Variants in LIX1L observed in about 807,000 individuals in gnomAD.
LIX1L encodes the protein LIX1-like protein.
LIX1L carries 20 observed loss-of-function variants against 34.0 expected under a neutral mutation model. The ratio of observed to expected loss-of-function variants is 0.59; its 90% CI spans 0.41 to 0.85. LIX1L has a LOEUF of 0.85. Among genes scored for constraint, LIX1L ranks in the 40% least tolerant of loss-of-function variants. LIX1L has a pLI of 0.00. For missense variants in LIX1L, 397 were observed against 447.0 expected, an observed-to-expected ratio of 0.89 and a Z score of 1.01; for synonymous variants, 170 against 187.4, an observed-to-expected ratio of 0.91 and a Z score of 0.76.
At chr1:145,951,578 T>A (rs1043723008) in intron 1 of LIX1L, among the ~76,000 whole-genome samples, 6 of 152,190 alleles carry the variant, frequency 3.9e-5, no homozygotes, top group African/African-American at 1.4e-4. Flanking sequence ...AAAATTAAAA[T>A]TTAAAAAAAG....
At position 145,936,459 on chromosome 1, in the gene LIX1L, C is replaced by T; in HGVS notation, c.865G>A (p.Gly289Arg). The change falls in exon 6 of 6, where the codon GGG becomes AGG. Residue 289 changes from glycine to arginine, a missense_variant. Gly to Arg is a moderately radical substitution (Grantham distance 125, BLOSUM62 -2). Transcript: ENST00000604000. ...DWVSREQSVP[G>R]ALSRELASTE... ...GAGGCCAGCTCTCTAGACAGTGCCC[C>T]CGGCACACTCTGCTCCCGGCTCACC... 1 of 1,614,172 alleles carries T rather than the reference C, an allele frequency of 6.2e-7. No homozygotes were observed. Among genetic ancestry groups the T allele is most frequent in the Non-Finnish European group, 8.5e-7 (1 of 1,180,042 alleles).
Position 145,957,696 on chromosome 1 carries a change from G to C in LIX1L, c.232C>G (p.Arg78Gly). 1 of 1,524,552 alleles carries C rather than the reference G, an allele frequency of 6.6e-7. No individual in the cohort carries two copies. Among genetic ancestry groups the C allele is most frequent in the Non-Finnish European group, 8.8e-7 (1 of 1,141,940 alleles). The allele number at this position is 1,524,552 out of a possible 1,614,324, so 94.4% of individuals were successfully genotyped here. A position where few individuals can be genotyped will look rare whatever the true frequency, so the allele number is the denominator to read the frequency against. ...CTCACCACGGCCTCCACGGCCTCTC[G>C]CAGCACTGCCGGGCTGCCGGCGGCG... The part of the protein sequence containing the change: ...PGAAGSPAVL[R>G]EAVEAVVRSF... Residue 78 changes from arginine to glycine, a missense_variant, in exon 1 of 6, where the codon CGA (arginine) becomes GGA (glycine). Transcript: ENST00000604000.
chr1:145,942,028 C>A (rs1172003677), intron 3 of LIX1L: 1 of 152,146 alleles, frequency 6.6e-6, no homozygotes, highest in African/African-American at 2.4e-5. Flanking sequence ...GGACTACAGA[C>A]GCCCCCCACC....
Position 145,936,259 on chromosome 1 carries a change from G to C in LIX1L, c.*51C>G, listed in dbSNP as rs1559236960. On this transcript the variant is annotated 3_prime_UTR_variant, in exon 6 of 6. Coordinates refer to ENST00000604000, the MANE Select transcript of LIX1L (RefSeq NM_153713.3). ...AAAAATCATCCTAAATCTTAGAAAG[G>C]AGACATAAAAAAAGGCTGTGGAAAG... is the stretch of plus-strand genomic sequence containing the variant. 6.3e-7 allele frequency: 1 copy of C among 1,584,350 alleles called. No homozygotes were observed. The highest frequency in any genetic ancestry group is 8.6e-7 in the Non-Finnish European group (1 of 1,164,038).
chr1:145,950,188 G>T (rs1339552633), intron 1 of LIX1L: 1 of 152,002 alleles, frequency 6.6e-6, no homozygotes, highest in East Asian at 1.9e-4. Context: ...TATTTCCTTA[G>T]TTCAGATCTG....
rs782632887 is a variant in LIX1L, at chr1:145,947,653, G to A, written c.422C>T (p.Thr141Ile). The change falls in exon 2 of 6, where the codon ACC becomes ATC. Residue 141 changes from threonine to isoleucine, a missense_variant. Around this residue, in one of 3 missense-constraint regions of LIX1L, gnomAD observed 207 missense variants for 205.2 expected, o/e 1.01. Coordinates refer to ENST00000604000, the MANE Select transcript of LIX1L (RefSeq NM_153713.3). ...CCCAAAGCAGCTTCCCCCAGGCAGGGTGACATAGCAGACATAAGGAGGGCT... is the reference window on the plus strand; with the variant it reads ...CCCAAAGCAGCTTCCCCCAGGCAGGATGACATAGCAGACATAAGGAGGGCT... ...SNSPPYVCYV[T>I]LPGGSCFGSF... is the part of the protein sequence containing the mutation. The A allele has an allele frequency of 3.5e-5, 56 of 1,613,988 alleles. No homozygotes were observed. Among genetic ancestry groups the A allele is most frequent in the Middle Eastern group, 1.6e-4 (1 of 6,082 alleles).
rs59900662 is a variant in LIX1L, at chr1:145,934,573, C to CAAA, written c.*1734_*1736dup. ...TGGGCGACAGAGCGAGACTCCGTCTCAAAAAAAAAAAAAACACACAAATAG... is the reference window on the plus strand; with the variant it reads ...TGGGCGACAGAGCGAGACTCCGTCTCAAAAAAAAAAAAAAAAACACACAAATAG... On this transcript the variant is annotated 3_prime_UTR_variant, in exon 6 of 6. Transcript: ENST00000604000. 3 of 102,782 alleles carry CAAA rather than the reference C, an allele frequency of 2.9e-5. No individual in the cohort carries two copies. The highest frequency in any genetic ancestry group is 9.7e-5 in the Admixed American group (1 of 10,270). The allele number at this position is 102,782 out of a possible 1,614,324, so 6.4% of individuals were successfully genotyped here.
chr1:145,947,777 C>T lies in LIX1L; in HGVS notation c.298G>A (p.Val100Met), dbSNP rs782017952. ...CAGAATTCCTGAAGTGCCTCCACCA[C>T]ATTCACTACAAAAGAGAAGTACTTA... ...KHTQGYGRVNVVEALQEFWQM... is the reference protein window; with the variant it reads ...KHTQGYGRVNMVEALQEFWQM... The change falls in exon 2 of 6, where the codon GTG becomes ATG. Residue 100 changes from valine (V) to methionine (M), a missense_variant. This residue lies in a region of LIX1L where 207 missense variants were observed against 205.2 expected (regional missense o/e 1.01). Transcript: ENST00000604000. 1 of 1,614,140 alleles carries T rather than the reference C, an allele frequency of 6.2e-7. No homozygotes were observed. The highest frequency in any genetic ancestry group is 1.1e-5 in the South Asian group (1 of 91,080).
At chr1:145,954,123 T>C (rs1649390705) in intron 1 of LIX1L, among the ~76,000 whole-genome samples, 1 of 151,166 alleles carries the variant, frequency 6.6e-6, no homozygotes, top group South Asian at 2.1e-4. Flanking sequence ...GAGATTATAG[T>C]GATACAGCAA....
In LIX1L at chr1:145,934,734, TCGGGAGG is replaced by T; in HGVS notation, c.*1569_*1575del. ...GGTGGGCACCTGTAATCCCAGCTAC[TCGGGAGG>T]CTGAGGCAGGAGAATGGTGTGAATC... On this transcript the variant is annotated 3_prime_UTR_variant, in exon 6 of 6. Coordinates refer to ENST00000604000, the MANE Select transcript of LIX1L (RefSeq NM_153713.3). 6.6e-6 allele frequency: 1 copy of T among 151,232 alleles called. No individual in the cohort carries two copies. Among genetic ancestry groups the T allele is most frequent in the Non-Finnish European group, 1.5e-5 (1 of 68,132 alleles). The allele number at this position is 151,232 out of a possible 1,614,324, so 9.4% of individuals were successfully genotyped here. A position where few individuals can be genotyped will look rare whatever the true frequency, so the allele number is the denominator to read the frequency against.
intron 1 of LIX1L, among the ~76,000 whole-genome samples, chr1:145,955,967 C>T (rs1406891874): frequency 6.6e-6 from 1 of 152,164 alleles, no homozygotes; most frequent in African/African-American, 2.4e-5. Context: ...TAATAAATGC[C>T]TGTAAGTTGC....
At chr1:145,941,055 GCTTTTT>G (rs1174282079) in intron 3 of LIX1L, 2 of 151,832 alleles carry the variant, frequency 1.3e-5, no homozygotes, top group African/African-American at 4.8e-5. Flanking sequence ...ATTTTAGCTG[GCTTTTT>G]CTTTTTTTAT....
Position 145,936,340 on chromosome 1 carries a change from C to T in LIX1L, c.984G>A (p.Gln328=). 4 of 1,614,164 alleles carry T rather than the reference C, an allele frequency of 2.5e-6. No individual in the cohort carries two copies. The highest frequency in any genetic ancestry group is 3.4e-6 in the Non-Finnish European group (4 of 1,180,030). ...AGTTGGAAGAATGCATATTGCCCAACTGCCCAGCAGCCAGCACAAGAATAT... is the reference window on the plus strand; with the variant it reads ...AGTTGGAAGAATGCATATTGCCCAATTGCCCAGCAGCCAGCACAAGAATAT... ...KKDILVLAAG[Q]LGNMHSSNC is the part of the protein sequence containing the mutation. The change falls in exon 6 of 6, where the codon CAG becomes CAA. Residue 328 remains glutamine (Q), a synonymous_variant. Transcript: ENST00000604000.
In LIX1L at chr1:145,947,611, A is replaced by C; in HGVS notation, c.456+8T>G. On this transcript the variant is annotated splice_region_variant and intron_variant, in intron 2 of 5. Transcript: ENST00000604000. Reference sequence around the variant, plus strand: ...TTACCTTTGCTACTGCCACCTCACAACTCTTACCTGGAAACTCCCAAAGCA... The same window carrying C: ...TTACCTTTGCTACTGCCACCTCACACCTCTTACCTGGAAACTCCCAAAGCA... 2 of 1,613,338 alleles carry C rather than the reference A, an allele frequency of 1.2e-6. No individual in the cohort carries two copies. Among genetic ancestry groups the C allele is most frequent in the East Asian group, 2.2e-5 (1 of 44,866 alleles).
intron 3 of LIX1L, among the ~76,000 whole-genome samples, chr1:145,939,426 C>T (rs1290134359): frequency 2.6e-5 from 4 of 151,824 alleles, no homozygotes; most frequent in Non-Finnish European, 5.9e-5. Flanking sequence ...CTACCTCAGC[C>T]TCCCACGTAG....
intron 2 of LIX1L, among the ~76,000 whole-genome samples, chr1:145,946,701 T>C (rs1649125097): frequency 6.6e-6 from 1 of 152,180 alleles, no homozygotes; most frequent in Non-Finnish European, 1.5e-5. Flanking sequence ...TCTTTGCCTC[T>C]ATGGAACATA....
chr1:145,951,804 GGA>G (rs1460562268), intron 1 of LIX1L, among the ~76,000 whole-genome samples: 1 of 152,128 alleles, frequency 6.6e-6, no homozygotes, highest in Non-Finnish European at 1.5e-5. Context: ...AGGAAGAGGA[GGA>G]GACCACCATA....
At chr1:145,937,834 A>T in intron 3 of LIX1L, 135 bp from the exon 4 acceptor site, 1 of 634,682 alleles carries the variant, frequency 1.6e-6, no homozygotes, top group Non-Finnish European at 2.9e-6. Context: ...TAAAGTAAAA[A>T]TAAAGAGGTA....
chr1:145,942,562 A>G (rs994364759), intron 3 of LIX1L, 151 bp downstream of exon 3: 38 of 724,674 alleles, frequency 5.2e-5, no homozygotes, highest in African/African-American at 1.7e-5. Flanking sequence ...CACATGACAC[A>G]ATAGACTGAC....
Sources: allele counts gnomAD v4.1 joint callset (sites outside exome capture counted in the v4.1 genomes callset), GRCh38; gene constraint gnomAD v4.1.1; regional missense constraint gnomAD v4.1.1; transcripts MANE v1.5; gene names NCBI Gene and HGNC (gene_info 2026-07-23, HGNC 2026-07-21).